DSCAM: variants seen among roughly 807,000 people sequenced by gnomAD.
The protein encoded by DSCAM is DS cell adhesion molecule, also known as cell adhesion molecule DSCAM.
A neutral mutation model predicts 217.7 loss-of-function variants in DSCAM; 47 were observed. The ratio of observed to expected loss-of-function variants is 0.22; its 90% confidence interval spans 0.17 to 0.28. DSCAM has a LOEUF of 0.28. Among genes scored for constraint, DSCAM ranks in the 10% least tolerant of loss-of-function variants. The pLI, the probability that DSCAM is intolerant of heterozygous loss-of-function variation, is 1.00. For synonymous variants in DSCAM, 1,056 were observed against 1,015.3 expected (o/e 1.04, Z -0.76); for missense variants, 2,080 against 2,618.3 (o/e 0.79, Z 4.49).
chr21:40,403,515 CTTGTGG>C, intron 3 of DSCAM, among the ~76,000 whole-genome samples: 3 of 152,158 alleles, frequency 2.0e-5, no homozygotes, highest in Admixed American at 2.0e-4. Flanking sequence ...TAAAATCAGA[CTTGTGG>C]TTTAACAAAC....
At chr21:40,549,097 C>T (rs1015363907) in intron 3 of DSCAM, among the ~76,000 whole-genome samples, 5 of 152,098 alleles carry the variant, frequency 3.3e-5, no homozygotes, top group African/African-American at 1.2e-4. Flanking sequence ...CCCAGCTACT[C>T]TGGAGGCTGA....
At chr21:40,801,810 T>C (rs1362243454) in intron 1 of DSCAM, among the ~76,000 whole-genome samples, 2 of 152,162 alleles carry the variant, frequency 1.3e-5, no homozygotes, top group Non-Finnish European at 2.9e-5. Context: ...GCAAGAGTTG[T>C]AGAGGATTGG....
chr21:40,607,683 T>C (rs2089259133), intron 3 of DSCAM, among the ~76,000 whole-genome samples: 1 of 152,122 alleles, frequency 6.6e-6, no homozygotes, highest in East Asian at 1.9e-4. Flanking sequence ...TATAAGGGGT[T>C]TCCCCATTCA....
intron 3 of DSCAM, among the ~76,000 whole-genome samples, chr21:40,586,453 G>GA (rs1293264526): frequency 1.3e-5 from 2 of 152,312 alleles, no homozygotes; most frequent in African/African-American, 4.8e-5. Context: ...TCTTGGGAAA[G>GA]AGTGTTCAGA....
intron 10 of DSCAM, among the ~76,000 whole-genome samples, chr21:40,280,787 T>C (rs1231456597): frequency 6.6e-6 from 1 of 152,214 alleles, no homozygotes; most frequent in Admixed American, 6.5e-5. Flanking sequence ...GAGCTATGGC[T>C]AAAAAGATCA....
At chr21:40,645,823 C>G (rs2089939436) in intron 3 of DSCAM, among the ~76,000 whole-genome samples, 3 of 151,990 alleles carry the variant, frequency 2.0e-5, no homozygotes, top group African/African-American at 7.3e-5. Flanking sequence ...AAAAATTGAG[C>G]AAAAAGTATT....
intron 1 of DSCAM, among the ~76,000 whole-genome samples, chr21:40,726,549 G>GAA (rs34709502): frequency 0.066 from 9,738 of 148,138 alleles, 384 homozygotes; most frequent in African/African-American, 0.11. Flanking sequence ...GCTTTAACAG[G>GAA]AAAAAAAAAA....
intron 30 of DSCAM, among the ~76,000 whole-genome samples, chr21:40,049,607 G>T (rs1377610952): frequency 6.6e-6 from 1 of 152,186 alleles, no homozygotes; most frequent in African/African-American, 2.4e-5. Flanking sequence ...CTTACTCATG[G>T]TGTATCTCCA....
intron 1 of DSCAM, among the ~76,000 whole-genome samples, chr21:40,758,197 T>C (rs1454360552): frequency 6.6e-6 from 1 of 150,962 alleles, no homozygotes; most frequent in Non-Finnish European, 1.5e-5. Context: ...ACCACCGTGC[T>C]CACACCTTGA....
intron 15 of DSCAM, among the ~76,000 whole-genome samples, chr21:40,174,103 T>C (rs906552601): frequency 2.6e-5 from 4 of 152,164 alleles, no homozygotes; most frequent in African/African-American, 9.7e-5. Flanking sequence ...TTCGGGTCCA[T>C]TAACAGCTCA....
intron 3 of DSCAM, among the ~76,000 whole-genome samples, chr21:40,531,064 A>C (rs553955000): frequency 0.016 from 2,421 of 152,046 alleles, 53 homozygotes; most frequent in Admixed American, 0.037. Context: ...ACTATTTTCC[A>C]CACCTCAGGC....
intron 11 of DSCAM, among the ~76,000 whole-genome samples, chr21:40,202,173 G>A (rs576090725): frequency 6.6e-6 from 1 of 152,314 alleles, no homozygotes; most frequent in African/African-American, 2.4e-5. Flanking sequence ...CAACAACCCT[G>A]TGTGGGAGCT....
intron 18 of DSCAM, among the ~76,000 whole-genome samples, chr21:40,139,334 C>T (rs187052491): frequency 8.6e-5 from 13 of 152,038 alleles, no homozygotes; most frequent in East Asian, 3.9e-4. Flanking sequence ...TTTAGGGAGA[C>T]GTGAGACATC....
At chr21:40,148,662 C>G (rs1460970942) in intron 16 of DSCAM, among the ~76,000 whole-genome samples, 2 of 151,980 alleles carry the variant, frequency 1.3e-5, no homozygotes, top group Non-Finnish European at 2.9e-5. Context: ...TCACTGTCAC[C>G]ACTGCCAACA....
At position 40,615,069 on chromosome 21, in the gene DSCAM, C is replaced by T. The variant is rs868474746; in HGVS notation, c.508+77741G>A. Among the ~76,000 whole-genome samples the T allele has an allele frequency of 9.8e-4, 148 of 151,436 alleles. No individual in the cohort carries two copies. In the Middle Eastern group the frequency reaches 0.01, roughly 11 times the overall value. ...CTGTAATCCCAACACTTTGGGAGGC[C>T]GAGGCGGGCAGATCACCTAAGGTCA... On this transcript the variant is annotated intron_variant, in intron 3 of 32. Transcript: ENST00000400454.
At chr21:40,018,256 T>A (rs1382376716) in intron 32 of DSCAM, among the ~76,000 whole-genome samples, 1 of 152,242 alleles carries the variant, frequency 6.6e-6, no homozygotes, top group Non-Finnish European at 1.5e-5. Flanking sequence ...TCTTGCGATT[T>A]GTAGTTTTAT....
chr21:40,150,899 C>G (rs947439565), intron 16 of DSCAM, among the ~76,000 whole-genome samples: 2 of 152,090 alleles, frequency 1.3e-5, no homozygotes, highest in African/African-American at 4.8e-5. Flanking sequence ...TAATGGTTCA[C>G]TTTCATGAAA....
intron 10 of DSCAM, among the ~76,000 whole-genome samples, chr21:40,283,778 T>C (rs1217034711): frequency 6.6e-6 from 1 of 152,166 alleles, no homozygotes; most frequent in Non-Finnish European, 1.5e-5. Flanking sequence ...GTTGTGCACA[T>C]AAAGTGAAGC....
At chr21:40,823,020 C>T (rs1404683398) in intron 1 of DSCAM, among the ~76,000 whole-genome samples, 2 of 151,970 alleles carry the variant, frequency 1.3e-5, no homozygotes, top group Non-Finnish European at 2.9e-5. Context: ...CTTGGTGGTT[C>T]ATGCTTGTAA....
Sources: allele counts gnomAD v4.1 joint callset (sites outside exome capture counted in the v4.1 genomes callset), GRCh38; gene constraint gnomAD v4.1.1; transcripts MANE v1.5; gene names NCBI Gene and HGNC (gene_info 2026-07-23, HGNC 2026-07-21).